MAD1L1: variants seen among roughly 807,000 people sequenced by gnomAD.
The protein encoded by MAD1L1 is mitotic spindle assembly checkpoint protein MAD1.
MAD1L1 carries 95 observed loss-of-function variants against 96.9 expected under a neutral mutation model. That is an observed-to-expected ratio of 0.98 (90% CI 0.83 to 1.16). MAD1L1 has a LOEUF of 1.16. Among genes scored for constraint, MAD1L1 ranks in the 50% most tolerant of loss-of-function variants. The probability of loss-of-function intolerance (pLI) is 0.00; values close to 1 mark genes in which losing one functional copy is unlikely to be tolerated. For synonymous variants in MAD1L1, 473 were observed against 396.6 expected, an observed-to-expected ratio of 1.19 and a Z score of -2.29; for missense variants, 1,007 against 954.4, an observed-to-expected ratio of 1.06 and a Z score of -0.73.
intron 11 of MAD1L1, among the ~76,000 whole-genome samples, chr7:2,108,074 C>T (rs1787188777): frequency 1.3e-5 from 2 of 152,074 alleles, no homozygotes; most frequent in East Asian, 3.9e-4. Flanking sequence ...CCAAAAACCC[C>T]AAAATGGATC....
intron 16 of MAD1L1, among the ~76,000 whole-genome samples, chr7:1,950,080 C>T (rs987814925): frequency 7.7e-4 from 28 of 36,536 alleles, no homozygotes; most frequent in Admixed American, 2.0e-3. Context: ...GACTACTAGA[C>T]GATCTCTAGA....
chr7:1,822,497 A>G (rs1233148717), intron 18 of MAD1L1, among the ~76,000 whole-genome samples: 1 of 147,182 alleles, frequency 6.8e-6, no homozygotes, highest in East Asian at 2.0e-4. Flanking sequence ...GCTGGAGTGC[A>G]GTGGTGTGGT....
chr7:2,099,899 G>A (rs867742986), intron 11 of MAD1L1, among the ~76,000 whole-genome samples: 15 of 152,348 alleles, frequency 9.8e-5, no homozygotes, highest in Middle Eastern at 6.8e-3. Flanking sequence ...TGACTCAGAA[G>A]AACCAGCACC....
At chr7:2,174,114 C>T (rs1790838887) in intron 10 of MAD1L1, among the ~76,000 whole-genome samples, 1 of 152,212 alleles carries the variant, frequency 6.6e-6, no homozygotes, top group South Asian at 2.1e-4. Context: ...AGCACCATGC[C>T]TGGCCAGGAT....
intron 18 of MAD1L1, among the ~76,000 whole-genome samples, chr7:1,839,271 G>C (rs556032525): frequency 6.6e-6 from 1 of 152,226 alleles, no homozygotes; most frequent in South Asian, 2.1e-4. Flanking sequence ...TCACCGTCTA[G>C]TCCCCACCCA....
chr7:1,932,119 G>A (rs1399422627), intron 17 of MAD1L1, among the ~76,000 whole-genome samples: 1 of 152,200 alleles, frequency 6.6e-6, no homozygotes, highest in African/African-American at 2.4e-5. Context: ...TCTCTGGTGG[G>A]TTCCAGCCCC....
intron 12 of MAD1L1, among the ~76,000 whole-genome samples, chr7:2,020,397 C>G (rs1340497397): frequency 6.6e-6 from 1 of 152,248 alleles, no homozygotes; most frequent in African/African-American, 2.4e-5. Context: ...CCCACCCTTG[C>G]CTTCCTGCGG....
intron 7 of MAD1L1, 27 bp from the exon 8 acceptor site, chr7:2,216,314 AG>A: frequency 6.2e-7 from 1 of 1,605,402 alleles, no homozygotes; most frequent in Non-Finnish European, 8.5e-7. Context: ...ACAGAGAAGA[AG>A]GGAAAAATGA....
intron 10 of MAD1L1, among the ~76,000 whole-genome samples, chr7:2,211,064 C>G (rs940799863): frequency 6.6e-6 from 1 of 152,218 alleles, no homozygotes; most frequent in African/African-American, 2.4e-5. Context: ...ATCCAGCCTC[C>G]GAAGAACTAT....
intron 12 of MAD1L1, among the ~76,000 whole-genome samples, chr7:2,024,884 A>G (rs1282406437): frequency 6.6e-6 from 1 of 152,254 alleles, no homozygotes; most frequent in Non-Finnish European, 1.5e-5. Context: ...CTTCAGTGAG[A>G]AATGATACCA....
intron 14 of MAD1L1, among the ~76,000 whole-genome samples, chr7:1,999,165 C>T (rs568257920): frequency 1.3e-5 from 2 of 152,314 alleles, no homozygotes; most frequent in South Asian, 4.1e-4. Context: ...TGCCATTAAA[C>T]AATACAGTTA....
chr7:2,026,172 C>A (rs73047007), intron 12 of MAD1L1, among the ~76,000 whole-genome samples: 1 of 152,152 alleles, frequency 6.6e-6, no homozygotes, highest in East Asian at 1.9e-4. Context: ...CTGACATACC[C>A]GTATTAATAT....
chr7:1,981,096 A>T (rs1032392994), intron 14 of MAD1L1, among the ~76,000 whole-genome samples: 4 of 152,144 alleles, frequency 2.6e-5, no homozygotes, highest in Admixed American at 2.6e-4. Context: ...CCTCCTGAGT[A>T]GCTGGGACTA....
At chr7:2,062,598 G>T (rs915603119) in intron 12 of MAD1L1, among the ~76,000 whole-genome samples, 1 of 152,078 alleles carries the variant, frequency 6.6e-6, no homozygotes, top group African/African-American at 2.4e-5. Context: ...ACAGGGAAGT[G>T]AAGTCAGGAG....
At chr7:1,851,379 C>T (rs56070303) in intron 18 of MAD1L1, among the ~76,000 whole-genome samples, 25,652 of 152,130 alleles carry the variant, frequency 0.17, 2,624 homozygotes, top group South Asian at 0.29. Context: ...CTCGAGGTCA[C>T]GGGAAACCCC....
intron 18 of MAD1L1, among the ~76,000 whole-genome samples, chr7:1,865,765 C>T (rs1207910006): frequency 1.3e-5 from 2 of 152,212 alleles, no homozygotes; most frequent in Middle Eastern, 3.2e-3. Flanking sequence ...AGGCACAGAC[C>T]CAGAGAGCGG....
intron 11 of MAD1L1, among the ~76,000 whole-genome samples, chr7:2,071,386 T>G (rs769147902): frequency 6.6e-6 from 1 of 152,232 alleles, no homozygotes; most frequent in African/African-American, 2.4e-5. Context: ...CTGGGGCCAA[T>G]GTACTGGCGT....
intron 18 of MAD1L1, among the ~76,000 whole-genome samples, chr7:1,874,968 G>C (rs541987248): frequency 6.6e-6 from 1 of 152,154 alleles, no homozygotes; most frequent in Non-Finnish European, 1.5e-5. Flanking sequence ...GGCTGGGCCT[G>C]GGAGCTCCAG....
intron 18 of MAD1L1, among the ~76,000 whole-genome samples, chr7:1,885,332 C>T (rs140469497): frequency 2.0e-5 from 3 of 152,310 alleles, no homozygotes; most frequent in African/African-American, 4.8e-5. Flanking sequence ...CCTTTGTTCT[C>T]GGTCTATCCC....
Sources: gnomAD v4.1 joint callset for allele counts (sites outside exome capture counted in the v4.1 genomes callset) on GRCh38, gnomAD v4.1.1 for gene constraint, MANE v1.5 for transcripts, NCBI Gene and HGNC (gene_info 2026-07-23, HGNC 2026-07-21) for gene names.